The following SHROOM2 variants were observed in gnomAD, a reference collection of about 807,000 sequenced individuals.
The protein encoded by SHROOM2 is shroom family member 2.
A neutral mutation model predicts 75.9 loss-of-function variants in SHROOM2; 33 were observed. The ratio of observed to expected loss-of-function variants is 0.43; its 90% CI spans 0.33 to 0.58. The LOEUF is 0.58. Ranked by LOEUF, SHROOM2 falls within the 20% of genes least tolerant of loss-of-function variation. The probability of loss-of-function intolerance (pLI) is 0.04; values close to 1 mark genes in which losing one functional copy is unlikely to be tolerated. For missense variants in SHROOM2, 1,434 were observed against 1,461.2 expected (o/e 0.98, Z 0.30); for synonymous variants, 655 against 663.6 (o/e 0.99, Z 0.20).
intron 1 of SHROOM2, among the ~76,000 whole-genome samples, chrX:9,840,637 C>T (rs908496196): frequency 9.8e-5 from 11 of 112,029 alleles, no homozygotes; most frequent in African/African-American, 3.6e-4. Context: ...ATAAAATATT[C>T]TTTAGCAATT....
chrX:9,915,919 A>G (rs950503838), intron 5 of SHROOM2, among the ~76,000 whole-genome samples: 9 of 111,951 alleles, frequency 8.0e-5, no homozygotes, highest in Non-Finnish European at 1.5e-4. Flanking sequence ...CTCTTAATTT[A>G]TGAAGCTGAT....
At chrX:9,844,535 G>A (rs1055595147) in intron 1 of SHROOM2, among the ~76,000 whole-genome samples, 2 of 110,277 alleles carry the variant, frequency 1.8e-5, no homozygotes, top group African/African-American at 3.3e-5. Flanking sequence ...AATTAAGGCC[G>A]GATGCAGTGG....
chrX:9,924,196 G>A (rs1194898129), intron 5 of SHROOM2, among the ~76,000 whole-genome samples: 1 of 111,994 alleles, frequency 8.9e-6, no homozygotes, highest in East Asian at 2.8e-4. Context: ...AGTTGCAGCA[G>A]AGCCTGTGAG....
intron 8 of SHROOM2, among the ~76,000 whole-genome samples, chrX:9,940,951 AG>A (rs1418950123): frequency 9.0e-6 from 1 of 111,685 alleles, no homozygotes; most frequent in Non-Finnish European, 1.9e-5. Context: ...AGAGAGTGGA[AG>A]CCCCAGGCAG....
intron 6 of SHROOM2, among the ~76,000 whole-genome samples, chrX:9,935,018 C>G (rs1406318026): frequency 9.0e-6 from 1 of 111,506 alleles, no homozygotes; most frequent in African/African-American, 3.3e-5. Context: ...GGTGATCTGT[C>G]TGCTTCAGCC....
chrX:9,794,444 A>C (rs1385507913), intron 1 of SHROOM2, among the ~76,000 whole-genome samples: 1 of 111,160 alleles, frequency 9.0e-6, no homozygotes, highest in Non-Finnish European at 1.9e-5. Context: ...ATCTCGGCTC[A>C]CTGCAACCTC....
chrX:9,868,970 T>A (rs1421359718), intron 1 of SHROOM2, among the ~76,000 whole-genome samples: 1 of 110,825 alleles, frequency 9.0e-6, no homozygotes, highest in Non-Finnish European at 1.9e-5. Flanking sequence ...TAATTTTAAT[T>A]TTTCAAGACA....
At chrX:9,891,507 G>A (rs1425340242) in intron 3 of SHROOM2, among the ~76,000 whole-genome samples, 3 of 112,527 alleles carry the variant, frequency 2.7e-5, no homozygotes, top group Non-Finnish European at 3.8e-5. Context: ...GGTTCTTTAA[G>A]CTTTGGTAGC....
chrX:9,794,560 G>A (rs1300112693), intron 1 of SHROOM2, among the ~76,000 whole-genome samples: 2 of 111,086 alleles, frequency 1.8e-5, no homozygotes, highest in Non-Finnish European at 3.8e-5. Context: ...GTAGAGATGG[G>A]GTTTCTCCAT....
intron 1 of SHROOM2, chrX:9,818,376 C>T (rs1445606199): frequency 4.0e-6 from 1 of 248,045 alleles, no homozygotes; most frequent in Non-Finnish European, 8.2e-6. Context: ...TCTTCCTCTG[C>T]CTCCATTTTA....
At chrX:9,821,438 G>C (rs970907433) in intron 1 of SHROOM2, among the ~76,000 whole-genome samples, 1 of 111,079 alleles carries the variant, frequency 9.0e-6, no homozygotes, top group Non-Finnish European at 1.9e-5. Context: ...CAAGAAGGAG[G>C]GGGTAAATGT....
chrX:9,833,925 C>G (rs902095231), intron 1 of SHROOM2, among the ~76,000 whole-genome samples: 1 of 111,380 alleles, frequency 9.0e-6, no homozygotes, highest in Non-Finnish European at 1.9e-5. Flanking sequence ...GGCTTGTGTT[C>G]TACAGACCTG....
chrX:9,905,946 G>A (rs1032411394), intron 5 of SHROOM2, among the ~76,000 whole-genome samples: 1 of 111,733 alleles, frequency 8.9e-6, no homozygotes, highest in African/African-American at 3.3e-5. Context: ...TCCTTCTGTG[G>A]CACCCAGGAA....
At chrX:9,923,511 C>T (rs756776802) in intron 5 of SHROOM2, among the ~76,000 whole-genome samples, 2 of 112,439 alleles carry the variant, frequency 1.8e-5, no homozygotes, top group Non-Finnish European at 3.8e-5. Flanking sequence ...AGGGCTGGCT[C>T]AACATCCACA....
chrX:9,895,059 G>T lies in SHROOM2; in HGVS notation c.1151G>T (p.Gly384Val), dbSNP rs1424277753. The part of the protein sequence containing the change: ...HPGSLGKGSG[G>V]PGCPQEAHAD... ...GGGAGCCTCGGGAAGGGATCGGGAGGCCCGGGCTGCCCACAGGAGGCCCAC... is the reference window on the plus strand; with the variant it reads ...GGGAGCCTCGGGAAGGGATCGGGAGTCCCGGGCTGCCCACAGGAGGCCCAC... The change falls in exon 4 of 10, where the codon GGC becomes GTC. Residue 384 changes from glycine (G) to valine (V), a missense_variant. Around this residue, in one of 3 missense-constraint regions of SHROOM2, gnomAD observed 1,340 missense variants for 1,338.3 expected, o/e 1.00. Transcript: ENST00000380913. The T allele has an allele frequency of 8.3e-7, 1 of 1,205,994 alleles. No individual in the cohort carries two copies. The highest frequency in any genetic ancestry group is 1.8e-5 in the South Asian group (1 of 56,186).
chrX:9,906,703 G>A (rs1009945138), intron 5 of SHROOM2, among the ~76,000 whole-genome samples: 4 of 112,074 alleles, frequency 3.6e-5, no homozygotes, highest in Non-Finnish European at 7.5e-5. Flanking sequence ...CAGGAGAATC[G>A]CTTGAACCTG....
chrX:9,788,013 G>A lies in SHROOM2; in HGVS notation c.165+1303G>A, dbSNP rs1424240949. 3.1e-5 allele frequency among the ~76,000 whole-genome samples: 3 copies of A among 95,306 alleles called. No individual in the cohort carries two copies. In the Admixed American group the frequency reaches 3.5e-4, roughly 11 times the overall value. 82.8% of individuals were successfully genotyped at this position (95,306 alleles called of 115,157 possible). On this transcript the variant is annotated intron_variant, in intron 1 of 9. Coordinates refer to ENST00000380913, the MANE Select transcript of SHROOM2 (RefSeq NM_001649.4). The stretch of plus-strand genomic sequence containing the variant: ...TCTTCTTTTTTTTTTTTGAGACAGG[G>A]TCTTGTTCTGTCAGCCTCCTGAGTA...
chrX:9,872,826 T>C (rs1381206016), intron 1 of SHROOM2, among the ~76,000 whole-genome samples: 2 of 112,075 alleles, frequency 1.8e-5, no homozygotes, highest in African/African-American at 6.5e-5. Context: ...GCCTGGAAGC[T>C]CCTCAGGTTG....
chrX:9,850,446 T>G (rs1233335348), intron 1 of SHROOM2, among the ~76,000 whole-genome samples: 1 of 111,797 alleles, frequency 8.9e-6, no homozygotes, highest in Non-Finnish European at 1.9e-5. Context: ...GGTTGCTCCA[T>G]GAGAGTTCGC....
Sources: allele counts gnomAD v4.1 joint callset (sites outside exome capture counted in the v4.1 genomes callset), GRCh38; gene constraint gnomAD v4.1.1; regional missense constraint gnomAD v4.1.1; transcripts MANE v1.5; gene names NCBI Gene and HGNC (gene_info 2026-07-23, HGNC 2026-07-21).